PDE8A: variants seen among roughly 807,000 people sequenced by gnomAD.
PDE8A encodes high affinity cAMP-specific and IBMX-insensitive 3',5'-cyclic phosphodiesterase 8A.
A neutral mutation model predicts 105.0 loss-of-function variants in PDE8A; 59 were observed. That is an observed-to-expected ratio of 0.56 (90% CI 0.46 to 0.70). PDE8A has a LOEUF of 0.70. Ranked by LOEUF, PDE8A falls within the 30% of genes least tolerant of loss-of-function variation. The probability of loss-of-function intolerance (pLI) is 0.00; values close to 1 mark genes in which losing one functional copy is unlikely to be tolerated. For synonymous variants in PDE8A, 355 were observed against 371.9 expected (o/e 0.95, Z 0.52); for missense variants, 1,014 against 1,045.9 (o/e 0.97, Z 0.42).
chr15:85,012,666 T>G (rs1007495991), intron 1 of PDE8A, among the ~76,000 whole-genome samples: 1 of 151,720 alleles, frequency 6.6e-6, no homozygotes, highest in East Asian at 1.9e-4. Flanking sequence ...ACCTGCACAT[T>G]GTGCACATGT....
Position 85,057,546 on chromosome 15 carries a change from C to G in PDE8A, c.187-6824C>G. Among the ~76,000 whole-genome samples, 3 of 152,220 alleles carry G rather than the reference C, an allele frequency of 2.0e-5. No homozygotes were observed. In the South Asian group the frequency reaches 6.2e-4, roughly 32 times the overall value. On this transcript the variant is annotated intron_variant, in intron 1 of 21. Transcript: ENST00000394553. ...TGCTCCATGGGCTGCACTTACTGTCCGACAAGCCCCAGTGAGATGAAGCCG... is the reference window on the plus strand; with the variant it reads ...TGCTCCATGGGCTGCACTTACTGTCGGACAAGCCCCAGTGAGATGAAGCCG...
At chr15:85,123,224 T>A in intron 19 of PDE8A, 31 bp downstream of exon 19, 3 of 1,610,944 alleles carry the variant, frequency 1.9e-6, no homozygotes, top group Non-Finnish European at 2.5e-6. Flanking sequence ...AGAGAACCTG[T>A]GTTTGGGGTC....
intron 1 of PDE8A, among the ~76,000 whole-genome samples, chr15:85,052,409 C>T (rs2080990288): frequency 6.6e-6 from 1 of 152,222 alleles, no homozygotes; most frequent in African/African-American, 2.4e-5. Flanking sequence ...CTGTCTTCCA[C>T]AGTGGTTGAA....
At chr15:85,128,334 A>G (rs1401449791) in intron 20 of PDE8A, among the ~76,000 whole-genome samples, 1 of 152,084 alleles carries the variant, frequency 6.6e-6, no homozygotes, top group African/African-American at 2.4e-5. Context: ...ATGAGACCGC[A>G]TCACTAGAAA....
chr15:85,026,085 C>T (rs914557707), intron 1 of PDE8A, among the ~76,000 whole-genome samples: 1 of 152,154 alleles, frequency 6.6e-6, no homozygotes, highest in African/African-American at 2.4e-5. Context: ...TGTCAAACTG[C>T]CTGCTAATGG....
intron 1 of PDE8A, among the ~76,000 whole-genome samples, chr15:84,992,652 A>G (rs937013428): frequency 1.1e-4 from 16 of 152,184 alleles, no homozygotes; most frequent in African/African-American, 3.6e-4. Context: ...AGGTATGACT[A>G]ACTTAGTGCA....
At chr15:85,064,524 G>C in intron 2 of PDE8A, 98 bp downstream of exon 2, 1 of 757,866 alleles carries the variant, frequency 1.3e-6, no homozygotes, top group Non-Finnish European at 2.3e-6. Flanking sequence ...CTTTCATTTA[G>C]ATAATAGTGT....
chr15:85,123,077 C>A lies in PDE8A; in HGVS notation c.1969C>A (p.Leu657Met), dbSNP rs751752777. 1 of 1,614,030 alleles carries A rather than the reference C, an allele frequency of 6.2e-7. No individual in the cohort carries two copies. The highest frequency in any genetic ancestry group is 8.5e-7 in the Non-Finnish European group (1 of 1,179,942). The change falls in exon 19 of 22, where the codon CTG (leucine) becomes ATG (methionine). Residue 657 changes from leucine (L) to methionine (M), a missense_variant. Transcript: ENST00000394553. Reference protein sequence around the residue: ...KNMERNDYRTLRQGIIDMVLA... With the variant: ...KNMERNDYRTMRQGIIDMVLA... ...CGAAAACAGGAATGATTATCGGACA[C>A]TGCGCCAGGGGATTATCGACATGGT...
At position 85,114,156 on chromosome 15, in the gene PDE8A, G is replaced by A. The variant is rs2082060988; in HGVS notation, c.1350+119G>A. The A allele has an allele frequency of 4.9e-6, 4 of 813,972 alleles. 1 individual carries two copies. Among genetic ancestry groups the A allele is most frequent in the South Asian group, 1.8e-5 (1 of 56,548 alleles). The allele number at this position is 813,972 out of a possible 1,614,324, so 50.4% of individuals were successfully genotyped here. On this transcript the variant is annotated intron_variant, in intron 14 of 21. Coordinates refer to ENST00000394553, the MANE Select transcript of PDE8A (RefSeq NM_002605.3). Reference sequence around the variant, plus strand: ...GCAGGGCTCTGTAGGGTTCAGTCAAGACCTAAACTCTCCTCCATTGCCTGG... The same window carrying A: ...GCAGGGCTCTGTAGGGTTCAGTCAAAACCTAAACTCTCCTCCATTGCCTGG...
At chr15:85,078,145 C>CAAA (rs34715649) in intron 5 of PDE8A, among the ~76,000 whole-genome samples, 7,973 of 119,790 alleles carry the variant, frequency 0.067, 365 homozygotes, top group African/African-American at 0.14. Context: ...AGTGAAACTG[C>CAAA]AAAAAAAAAA....
chr15:84,981,205 C>T (rs561308846), upstream of PDE8A, among the ~76,000 whole-genome samples: 7 of 152,350 alleles, frequency 4.6e-5, no homozygotes, highest in Admixed American at 1.3e-4. Context: ...AAGTCTCTTT[C>T]CTTCTCTGGG....
chr15:85,057,834 A>G (rs79773011), intron 1 of PDE8A, among the ~76,000 whole-genome samples: 3,404 of 152,298 alleles, frequency 0.022, 53 homozygotes, highest in Middle Eastern at 0.048. Context: ...ACAATAATGT[A>G]TTACACTGAT....
chr15:85,087,784 A>G (rs1391834856), intron 6 of PDE8A, among the ~76,000 whole-genome samples: 1 of 152,222 alleles, frequency 6.6e-6, no homozygotes, highest in East Asian at 1.9e-4. Context: ...TGAGAAAAGC[A>G]GATTATAAAA....
At chr15:85,001,757 A>G (rs988847704) in intron 1 of PDE8A, among the ~76,000 whole-genome samples, 3 of 152,236 alleles carry the variant, frequency 2.0e-5, no homozygotes, top group Admixed American at 1.3e-4. Flanking sequence ...CACACTTTCT[A>G]TGATCAGCTT....
chr15:84,991,440 C>A (rs2079884331), intron 1 of PDE8A, among the ~76,000 whole-genome samples: 1 of 152,170 alleles, frequency 6.6e-6, no homozygotes, highest in South Asian at 2.1e-4. Flanking sequence ...ACATTTTATA[C>A]TCATCAAATT....
intron 1 of PDE8A, among the ~76,000 whole-genome samples, chr15:84,996,888 C>A (rs2079987992): frequency 2.1e-5 from 3 of 144,660 alleles, no homozygotes; most frequent in Admixed American, 6.9e-5. Flanking sequence ...CATGAATGGG[C>A]CTTACAGGAC....
intron 12 of PDE8A, among the ~76,000 whole-genome samples, chr15:85,110,865 C>T (rs749102159): frequency 2.0e-5 from 3 of 152,200 alleles, no homozygotes; most frequent in Non-Finnish European, 2.9e-5. Context: ...CAACATATGG[C>T]ACCATGTTAC....
chr15:85,091,148 C>T lies in PDE8A; in HGVS notation c.819C>T (p.Leu273=), dbSNP rs776900889. The part of the protein sequence containing the change: ...VPINEKKADL[L]DTINSCIRIG... ...TAAATGAAAAAAAGGCTGACTTGCT[C>T]GATACTATAAATTCATGCATCAGGA... is the stretch of plus-strand genomic sequence containing the variant. Residue 273 remains leucine, a synonymous_variant, in exon 8 of 22, where the codon CTC becomes CTT. Transcript: ENST00000394553. The T allele has an allele frequency of 1.1e-5, 17 of 1,612,456 alleles. No homozygotes were observed. Among genetic ancestry groups the T allele is most frequent in the African/African-American group, 4.0e-5 (3 of 74,760 alleles).
chr15:85,054,254 A>G (rs935338714), intron 1 of PDE8A, among the ~76,000 whole-genome samples: 1 of 152,208 alleles, frequency 6.6e-6, no homozygotes, highest in East Asian at 1.9e-4. Context: ...ATCGATGTTC[A>G]TCAGGGATAT....
Sources: gnomAD v4.1 joint callset for allele counts (sites outside exome capture counted in the v4.1 genomes callset) on GRCh38, gnomAD v4.1.1 for gene constraint, MANE v1.5 for transcripts, NCBI Gene and HGNC (gene_info 2026-07-23, HGNC 2026-07-21) for gene names.